The following TBC1D14 variants were observed in gnomAD, a reference collection of about 807,000 sequenced individuals.
TBC1D14 encodes TBC1 domain family member 14, also known as TBC1 domain family, member 14.
In TBC1D14, 26 loss-of-function variants were observed where a neutral mutation model predicts 79.0. The observed-to-expected ratio is 0.33, with a 90% confidence interval of 0.24 to 0.46. The LOEUF is 0.46. Among genes scored for constraint, TBC1D14 ranks in the 20% least tolerant of loss-of-function variants. TBC1D14 has a pLI of 1.00. For missense variants in TBC1D14, 769 were observed against 887.6 expected (o/e 0.87, Z 1.70); for synonymous variants, 394 against 349.9 (o/e 1.13, Z -1.40).
intron 2 of TBC1D14, among the ~76,000 whole-genome samples, chr4:6,955,013 A>C (rs1185139295): frequency 6.6e-6 from 1 of 152,212 alleles, no homozygotes; most frequent in Non-Finnish European, 1.5e-5. Context: ...TGGAACTAGG[A>C]ATTTTGAGCA....
At chr4:6,990,197 C>A (rs1718344985) in intron 3 of TBC1D14, among the ~76,000 whole-genome samples, 3 of 152,202 alleles carry the variant, frequency 2.0e-5, no homozygotes, top group Non-Finnish European at 4.4e-5. Flanking sequence ...CGCCTGTAAT[C>A]CCAGCACTTT....
At chr4:6,944,872 G>A (rs1185029396) in intron 2 of TBC1D14, among the ~76,000 whole-genome samples, 1 of 152,180 alleles carries the variant, frequency 6.6e-6, no homozygotes, top group East Asian at 1.9e-4. Context: ...CCGGGCATGC[G>A]TGCTCCTCTC....
intron 3 of TBC1D14, among the ~76,000 whole-genome samples, chr4:6,989,381 G>T (rs1421405655): frequency 6.6e-6 from 1 of 152,134 alleles, no homozygotes; most frequent in African/African-American, 2.4e-5. Context: ...TCAAATCCTG[G>T]TGCTAGCCTG....
chr4:6,989,596 G>A (rs1417535904), intron 3 of TBC1D14, among the ~76,000 whole-genome samples: 1 of 152,164 alleles, frequency 6.6e-6, no homozygotes, highest in Non-Finnish European at 1.5e-5. Context: ...CTGTGTGGGA[G>A]CCTCTGCCTG....
At chr4:6,928,062 A>G (rs570368741) in intron 2 of TBC1D14, among the ~76,000 whole-genome samples, 43 of 152,340 alleles carry the variant, frequency 2.8e-4, no homozygotes, top group African/African-American at 9.9e-4. Flanking sequence ...CCTAATCCAC[A>G]TTGGTCTGGA....
intron 2 of TBC1D14, chr4:6,954,332 T>G: frequency 1.4e-6 from 1 of 717,262 alleles, no homozygotes; most frequent in Non-Finnish European, 2.6e-6. Context: ...CTCCTGTTCA[T>G]GGACAGGTTT....
At chr4:6,968,404 G>A (rs763312011) in intron 3 of TBC1D14, among the ~76,000 whole-genome samples, 2 of 152,186 alleles carry the variant, frequency 1.3e-5, no homozygotes, top group African/African-American at 2.4e-5. Flanking sequence ...TAGTTCTAAC[G>A]GACTCAGCAC....
intron 3 of TBC1D14, among the ~76,000 whole-genome samples, chr4:6,990,649 C>A (rs371582480): frequency 8.5e-5 from 13 of 152,270 alleles, no homozygotes; most frequent in African/African-American, 3.1e-4. Context: ...CTGAAGTGGA[C>A]CGCACCAGTA....
At chr4:6,942,465 C>CT (rs991841463) in intron 2 of TBC1D14, among the ~76,000 whole-genome samples, 13 of 152,302 alleles carry the variant, frequency 8.5e-5, no homozygotes, top group African/African-American at 2.9e-4. Context: ...CAGAATAGCC[C>CT]TTTTGGGCCC....
At chr4:6,941,761 G>A (rs1712929879) in intron 2 of TBC1D14, among the ~76,000 whole-genome samples, 1 of 152,222 alleles carries the variant, frequency 6.6e-6, no homozygotes, top group Non-Finnish European at 1.5e-5. Flanking sequence ...AAAGGAGAAT[G>A]AATTTGCTCC....
intron 3 of TBC1D14, among the ~76,000 whole-genome samples, chr4:6,970,061 G>A (rs377580613): frequency 1.5e-4 from 23 of 152,300 alleles, no homozygotes; most frequent in African/African-American, 5.1e-4. Context: ...CACACAGCCT[G>A]CACTTGAGAG....
chr4:6,986,610 C>T (rs1717853480), intron 3 of TBC1D14, among the ~76,000 whole-genome samples: 1 of 152,202 alleles, frequency 6.6e-6, no homozygotes, highest in African/African-American at 2.4e-5. Flanking sequence ...TGTCGCAGAC[C>T]GGACTTGCTC....
intron 12 of TBC1D14, among the ~76,000 whole-genome samples, chr4:7,017,280 A>G (rs183235750): frequency 6.6e-6 from 1 of 152,324 alleles, no homozygotes; most frequent in African/African-American, 2.4e-5. Context: ...AGCCTGGGTG[A>G]CAGAGTGGGC....
At chr4:7,008,443 G>A (rs1436909982) in intron 9 of TBC1D14, among the ~76,000 whole-genome samples, 1 of 152,192 alleles carries the variant, frequency 6.6e-6, no homozygotes. Flanking sequence ...ACAGAGTTTC[G>A]CTCTTGTTGC....
chr4:6,920,223 A>G (rs897849521), intron 1 of TBC1D14, among the ~76,000 whole-genome samples: 9 of 151,640 alleles, frequency 5.9e-5, no homozygotes, highest in African/African-American at 1.7e-4. Flanking sequence ...CTGCACTCTT[A>G]CTGGCTCCTT....
chr4:6,915,326 T>C (rs1444025741), intron 1 of TBC1D14, among the ~76,000 whole-genome samples: 1 of 152,136 alleles, frequency 6.6e-6, no homozygotes, highest in Non-Finnish European at 1.5e-5. Flanking sequence ...GACAGATGCC[T>C]CAGGTCAACC....
intron 3 of TBC1D14, among the ~76,000 whole-genome samples, chr4:6,970,483 GAAC>G (rs1208370398): frequency 1.3e-5 from 2 of 152,266 alleles, no homozygotes; most frequent in African/African-American, 4.8e-5. Context: ...AGTCAACCTT[GAAC>G]AACAGGAAAT....
At chr4:6,933,117 G>T (rs950860188) in intron 2 of TBC1D14, among the ~76,000 whole-genome samples, 1 of 151,878 alleles carries the variant, frequency 6.6e-6, no homozygotes, top group African/African-American at 2.4e-5. Flanking sequence ...CCTCCATATT[G>T]AAAACCAGCA....
intron 9 of TBC1D14, among the ~76,000 whole-genome samples, chr4:7,007,799 G>A (rs574485031): frequency 2.6e-5 from 4 of 152,274 alleles, no homozygotes; most frequent in Non-Finnish European, 5.9e-5. Flanking sequence ...CCCCTGCATC[G>A]CTCTCTTGGA....
Sources: allele counts gnomAD v4.1 joint callset (sites outside exome capture counted in the v4.1 genomes callset), GRCh38; gene constraint gnomAD v4.1.1; transcripts MANE v1.5; gene names NCBI Gene and HGNC (gene_info 2026-07-23, HGNC 2026-07-21).